Variants in BOP1 observed in about 807,000 individuals in gnomAD.
The protein encoded by BOP1 is ribosome biogenesis protein BOP1.
BOP1 carries 54 observed loss-of-function variants against 82.9 expected under a neutral mutation model. The ratio of observed to expected loss-of-function variants is 0.65; its 90% CI spans 0.52 to 0.82. The LOEUF is 0.82. Among genes scored for constraint, BOP1 ranks in the 40% least tolerant of loss-of-function variants. The pLI is 0.00. For missense variants in BOP1, 1,170 were observed against 1,072.0 expected (o/e 1.09, Z -1.28); for synonymous variants, 566 against 451.1 (o/e 1.25, Z -3.23).
chr8:144,262,383 G>T lies in BOP1; in HGVS notation c.2087+13C>A, dbSNP rs1588585008. 1 of 1,612,678 alleles carries T rather than the reference G, an allele frequency of 6.2e-7. No homozygotes were observed. Among genetic ancestry groups the T allele is most frequent in the Non-Finnish European group, 8.5e-7 (1 of 1,179,800 alleles). ...CTGCCCTGGGGAGGGGGCCAGGCAG[G>T]GTCAGCACTCACTTGTACACCATGC... On this transcript the variant is annotated intron_variant, in intron 15 of 15. Coordinates refer to ENST00000569669, the MANE Select transcript of BOP1 (RefSeq NM_015201.5).
intron 3 of BOP1, chr8:144,265,779 C>A (rs1845348137): frequency 6.5e-6 from 1 of 153,856 alleles, no homozygotes; most frequent in Non-Finnish European, 1.4e-5. Context: ...CCTTCCCTCT[C>A]CTCCCCATGG....
chr8:144,268,849 C>T (rs1845441806), intron 3 of BOP1, among the ~76,000 whole-genome samples: 1 of 152,120 alleles, frequency 6.6e-6, no homozygotes, highest in African/African-American at 2.4e-5. Context: ...CAAGGGTGCC[C>T]CCGACTCGGG....
At chr8:144,275,114 AG>A (rs1390798976) in intron 3 of BOP1, among the ~76,000 whole-genome samples, 1 of 147,622 alleles carries the variant, frequency 6.8e-6, no homozygotes, top group Admixed American at 6.7e-5. Context: ...ACCTGGGGGG[AG>A]GGGGGCGCGT....
At chr8:144,271,340 A>G (rs1223769426) in intron 3 of BOP1, among the ~76,000 whole-genome samples, 1 of 151,288 alleles carries the variant, frequency 6.6e-6, no homozygotes, top group Non-Finnish European at 1.5e-5. Flanking sequence ...TGTCTGCGAG[A>G]GAGGAAGCCG....
chr8:144,267,450 C>A (rs1174374811), intron 3 of BOP1, among the ~76,000 whole-genome samples: 1 of 152,236 alleles, frequency 6.6e-6, no homozygotes, highest in East Asian at 1.9e-4. Flanking sequence ...AGGGGCCCAC[C>A]CAGGGCGGGG....
At chr8:144,267,394 T>G (rs1554837326) in intron 3 of BOP1, among the ~76,000 whole-genome samples, 2 of 151,436 alleles carry the variant, frequency 1.3e-5, no homozygotes, top group Non-Finnish European at 2.9e-5. Context: ...GAGTGTGGAG[T>G]CCCCTGCAGG....
intron 3 of BOP1, among the ~76,000 whole-genome samples, chr8:144,273,407 G>A (rs1456054497): frequency 2.7e-5 from 4 of 149,930 alleles, no homozygotes; most frequent in Admixed American, 6.6e-5. Context: ...TGGAGGCCTC[G>A]TGGGGGACGG....
chr8:144,275,385 G>A (rs1004883688), intron 3 of BOP1, among the ~76,000 whole-genome samples: 10 of 152,088 alleles, frequency 6.6e-5, no homozygotes, highest in African/African-American at 1.7e-4. Flanking sequence ...GCAGCCCCCC[G>A]CAGCCAAATC....
At chr8:144,266,469 G>A in intron 3 of BOP1, 5 of 981,962 alleles carry the variant, frequency 5.1e-6, no homozygotes, top group South Asian at 9.4e-5. Context: ...GGACGCACAT[G>A]TGCGCGCGAC....
intron 2 of BOP1, among the ~76,000 whole-genome samples, chr8:144,282,934 A>G (rs1383770514): frequency 6.6e-6 from 1 of 151,890 alleles, no homozygotes; most frequent in Non-Finnish European, 1.5e-5. Flanking sequence ...CACGCCTGTA[A>G]TCCCAGCACT....
At chr8:144,263,958 C>A in intron 8 of BOP1, 23 bp downstream of exon 8, 1 of 1,611,198 alleles carries the variant, frequency 6.2e-7, no homozygotes, top group Non-Finnish European at 8.5e-7. Flanking sequence ...GTGCCACCCC[C>A]CTGGTGTGCC....
chr8:144,277,105 G>C (rs1434564388), intron 2 of BOP1, among the ~76,000 whole-genome samples: 7 of 152,214 alleles, frequency 4.6e-5, no homozygotes, highest in African/African-American at 9.6e-5. Context: ...CCTCTCACCC[G>C]TGGGGGCAGT....
chr8:144,281,435 TTGG>T lies in BOP1; in HGVS notation c.310-5134_310-5132del, dbSNP rs1554838904. Among the ~76,000 whole-genome samples, 13 of 3,506 alleles carry T rather than the reference TTGG, an allele frequency of 3.7e-3. 3 individuals carry two copies. Among genetic ancestry groups the T allele is most frequent in the African/African-American group, 4.3e-3 (13 of 3,032 alleles). The allele number at this position is 3,506 out of a possible 152,430, so 2.3% of individuals were successfully genotyped here. A position where few individuals can be genotyped will look rare whatever the true frequency, so the allele number is the denominator to read the frequency against. On this transcript the variant is annotated intron_variant, in intron 2 of 15. Coordinates refer to ENST00000569669, the MANE Select transcript of BOP1 (RefSeq NM_015201.5). ...CTTCTCTCACTTTCATACCAGGTCT[TTGG>T]CCTTCTCTCAGTTTAATACCAGGTC...
rs1845207967 is a variant in BOP1, at chr8:144,262,256, G to T, written c.2149C>A (p.Arg717=). The change falls in exon 16 of 16, where the codon CGA becomes AGA. Residue 717 remains arginine (R), a synonymous_variant. Transcript: ENST00000569669. ...ATGACGTCCAGCACTCCCAGATCTC[G>T]GGTCAGCACGTGTCCCTTCAGCACC... ...VKVLKGHVLT[R]DLGVLDVIFH... is the part of the protein sequence containing the mutation. 1 of 1,612,700 alleles carries T rather than the reference G, an allele frequency of 6.2e-7. No individual in the cohort carries two copies. Among genetic ancestry groups the T allele is most frequent in the African/African-American group, 1.3e-5 (1 of 74,998 alleles).
chr8:144,262,492 T>C lies in BOP1; in HGVS notation c.1991A>G (p.Lys664Arg). ...GTGGAAGGCCACAGCCCGCAGAGCC[T>C]TCTTGTGGTGTCTGGGGGGAGGGAA... ...KPYRMLRHHK[K>R]ALRAVAFHPR... The change falls in exon 15 of 16, where the codon AAG becomes AGG. Residue 664 changes from lysine (K) to arginine (R), a missense_variant. Transcript: ENST00000569669. The C allele has an allele frequency of 6.2e-7, 1 of 1,612,598 alleles. No homozygotes were observed. Among genetic ancestry groups the C allele is most frequent in the South Asian group, 1.1e-5 (1 of 91,052 alleles).
Position 144,285,947 on chromosome 8 carries a change from G to A in BOP1, c.309+3148C>T, listed in dbSNP as rs1221772288. Among the ~76,000 whole-genome samples the A allele has an allele frequency of 7.9e-5, 12 of 152,362 alleles. No individual in the cohort carries two copies. In the South Asian group the frequency reaches 1.4e-3, roughly 18 times the overall value. ...AACTGGGCATGACGGGGCCATCTTG[G>A]CGGCACTCTGGGAGGCCTCACGTGG... On this transcript the variant is annotated intron_variant, in intron 2 of 15. Transcript: ENST00000569669.
At chr8:144,278,969 C>T (rs1412673310) in intron 2 of BOP1, among the ~76,000 whole-genome samples, 2 of 152,242 alleles carry the variant, frequency 1.3e-5, no homozygotes, top group East Asian at 1.9e-4. Context: ...GAAGGTAACT[C>T]GGGGCAGGAG....
chr8:144,272,952 C>T (rs1845514505), intron 3 of BOP1, among the ~76,000 whole-genome samples: 2 of 152,078 alleles, frequency 1.3e-5, no homozygotes, highest in Non-Finnish European at 2.9e-5. Flanking sequence ...GGACCAGACC[C>T]GAGGGCCAGC....
chr8:144,265,257 G>GCTGCCC, intron 3 of BOP1, 186 bp from the exon 4 acceptor site: 1 of 688,496 alleles, frequency 1.5e-6, no homozygotes, highest in East Asian at 2.7e-5. Flanking sequence ...TGGCGGCCAC[G>GCTGCCC]CTGCCCCCAC....
Sources: gnomAD v4.1 joint callset for allele counts (sites outside exome capture counted in the v4.1 genomes callset) on GRCh38, gnomAD v4.1.1 for gene constraint, MANE v1.5 for transcripts, NCBI Gene and HGNC (gene_info 2026-07-23, HGNC 2026-07-21) for gene names.